KSR2: variants seen among roughly 807,000 people sequenced by gnomAD.
KSR2 encodes the protein kinase suppressor of ras 2.
KSR2 carries 25 observed loss-of-function variants against 107.8 expected under a neutral mutation model. The observed-to-expected ratio is 0.23, with a 90% CI of 0.17 to 0.32. KSR2 has a LOEUF of 0.32. Ranked by LOEUF, KSR2 falls within the 10% of genes least tolerant of loss-of-function variation. KSR2 has a pLI of 1.00. For missense variants in KSR2, 887 were observed against 1,268.9 expected (o/e 0.70, Z 4.57); for synonymous variants, 480 against 507.0 (o/e 0.95, Z 0.71).
At chr12:117,923,239 T>C (rs1171210234) in intron 1 of KSR2, among the ~76,000 whole-genome samples, 2 of 152,160 alleles carry the variant, frequency 1.3e-5, no homozygotes, top group African/African-American at 2.4e-5. Context: ...TCTATCTATA[T>C]CTATCTATAA....
intron 1 of KSR2, among the ~76,000 whole-genome samples, chr12:117,937,081 A>AG (rs1895869628): frequency 6.6e-6 from 1 of 152,216 alleles, no homozygotes; most frequent in African/African-American, 2.4e-5. Context: ...GCAGACAACT[A>AG]GGGGCAACCG....
chr12:117,909,610 G>T (rs1894955609), intron 1 of KSR2, among the ~76,000 whole-genome samples: 1 of 152,046 alleles, frequency 6.6e-6, no homozygotes, highest in African/African-American at 2.4e-5. Context: ...ATTACATCAA[G>T]ATTATACCAA....
At chr12:117,572,052 G>A (rs1878926239) in intron 7 of KSR2, among the ~76,000 whole-genome samples, 1 of 152,178 alleles carries the variant, frequency 6.6e-6, no homozygotes, top group East Asian at 1.9e-4. Flanking sequence ...CCCTGAAGCT[G>A]CAAAGCAGAA....
Position 117,471,280 on chromosome 12 carries a change from T to C in KSR2, c.2623A>G (p.Lys875Glu). 6.2e-7 allele frequency: 1 copy of C among 1,613,916 alleles called. No homozygotes were observed. Among genetic ancestry groups the C allele is most frequent in the South Asian group, 1.1e-5 (1 of 91,052 alleles). ...ATTATTGCCTCTGCTGGTTGGGTCTTGAAAGGCCATTCCCTGGCGTGGAGT... is the reference window on the plus strand; with the variant it reads ...ATTATTGCCTCTGCTGGTTGGGTCTCGAAAGGCCATTCCCTGGCGTGGAGT... ...YELHAREWPF[K>E]TQPAEAIIWQ... The change falls in exon 18 of 20, where the codon AAG becomes GAG. Residue 875 changes from lysine to glutamate, a missense_variant. This residue lies in a region of KSR2 where 308 missense variants were observed against 506.2 expected (regional missense o/e 0.61). Coordinates refer to ENST00000339824, the MANE Select transcript of KSR2 (RefSeq NM_173598.6).
At chr12:117,868,255 C>T (rs183333970) in intron 1 of KSR2, among the ~76,000 whole-genome samples, 145 of 152,098 alleles carry the variant, frequency 9.5e-4, no homozygotes, top group African/African-American at 3.2e-3. Context: ...TAGTGAAACC[C>T]TGTCTCTACT....
At chr12:117,820,288 G>A (rs1357082272) in intron 3 of KSR2, among the ~76,000 whole-genome samples, 1 of 152,054 alleles carries the variant, frequency 6.6e-6, no homozygotes, top group Non-Finnish European at 1.5e-5. Flanking sequence ...AAAGGTTTGG[G>A]GGCACTGAGG....
intron 13 of KSR2, 100 bp downstream of exon 13, chr12:117,526,971 C>T (rs763164152): frequency 2.1e-6 from 2 of 941,810 alleles, no homozygotes; most frequent in Non-Finnish European, 3.4e-6. Flanking sequence ...ACAGCCCCCA[C>T]CTGACCCCAA....
At chr12:117,584,434 C>T (rs780177272) in intron 5 of KSR2, among the ~76,000 whole-genome samples, 74 of 152,052 alleles carry the variant, frequency 4.9e-4, no homozygotes, top group Non-Finnish European at 4.4e-4. Context: ...GAAGGGTTAG[C>T]GTCCTCACAA....
intron 4 of KSR2, among the ~76,000 whole-genome samples, chr12:117,703,345 G>A (rs55921288): frequency 3.3e-5 from 5 of 151,964 alleles, no homozygotes; most frequent in Non-Finnish European, 7.4e-5. Context: ...GAGGTGCCTA[G>A]GATACTAAAT....
intron 1 of KSR2, among the ~76,000 whole-genome samples, chr12:117,941,219 A>C (rs1895994676): frequency 6.6e-6 from 1 of 152,088 alleles, no homozygotes; most frequent in Non-Finnish European, 1.5e-5. Flanking sequence ...CCAGGTCACC[A>C]TGACCTCCCC....
At chr12:117,582,229 G>A in intron 6 of KSR2, 61 bp downstream of exon 6, 2 of 1,435,932 alleles carry the variant, frequency 1.4e-6, no homozygotes, top group Non-Finnish European at 9.8e-7. Context: ...GCAGGGGCCA[G>A]AGCCCCCACC....
At chr12:117,630,219 G>T (rs12424746) in intron 5 of KSR2, among the ~76,000 whole-genome samples, 16,066 of 152,228 alleles carry the variant, frequency 0.11, 939 homozygotes, top group Admixed American at 0.16. Context: ...CTACCAAACT[G>T]CAGGCCAACA....
Position 117,459,779 on chromosome 12 carries a change from C to T in KSR2, c.*7420G>A, listed in dbSNP as rs1231004946. The T allele has an allele frequency of 6.6e-6, 1 of 152,232 alleles. No individual in the cohort carries two copies. The highest frequency in any genetic ancestry group is 1.5e-5 in the Non-Finnish European group (1 of 68,050). The allele number at this position is 152,232 out of a possible 1,614,324, so 9.4% of individuals were successfully genotyped here. The stretch of plus-strand genomic sequence containing the variant: ...TTCTTGTTCATGGAACCACTGTCCA[C>T]ATGGATGGAATCGGGCTCTAAGCTA... On this transcript the variant is annotated 3_prime_UTR_variant, in exon 20 of 20. Coordinates refer to ENST00000339824, the MANE Select transcript of KSR2 (RefSeq NM_173598.6).
chr12:117,540,631 C>A (rs1876416296), intron 9 of KSR2, among the ~76,000 whole-genome samples: 1 of 152,104 alleles, frequency 6.6e-6, no homozygotes. Flanking sequence ...CCAAATCATC[C>A]TGGATTCGGG....
At chr12:117,558,025 C>G (rs1877826852) in intron 8 of KSR2, among the ~76,000 whole-genome samples, 1 of 152,154 alleles carries the variant, frequency 6.6e-6, no homozygotes, top group South Asian at 2.1e-4. Flanking sequence ...CAGGTTGACC[C>G]AGACACTCCT....
At chr12:117,841,109 G>A (rs1324867146) in intron 3 of KSR2, among the ~76,000 whole-genome samples, 1 of 152,104 alleles carries the variant, frequency 6.6e-6, no homozygotes, top group East Asian at 1.9e-4. Context: ...TCTCACACGA[G>A]TGTATAAGTT....
intron 1 of KSR2, among the ~76,000 whole-genome samples, chr12:117,893,981 C>T (rs1156550150): frequency 4.0e-5 from 6 of 149,256 alleles, no homozygotes; most frequent in African/African-American, 1.5e-4. Flanking sequence ...GCGATCTCGG[C>T]TCACTGCAAG....
chr12:117,814,061 T>G lies in KSR2; in HGVS notation c.472+41367A>C, dbSNP rs569253808. On this transcript the variant is annotated intron_variant, in intron 3 of 19. Transcript: ENST00000339824. The stretch of plus-strand genomic sequence containing the variant: ...TTCTCACTTATAGGTGGAAGCAAAA[T>G]AGTTGATCTCATAGAACTAAAAAGT... 9.9e-5 allele frequency among the ~76,000 whole-genome samples: 15 copies of G among 152,226 alleles called. No individual in the cohort carries two copies. The South Asian group carries it at 3.1e-3, about 32-fold the overall frequency.
chr12:117,516,644 C>A (rs1045161726), intron 14 of KSR2, among the ~76,000 whole-genome samples: 3 of 152,098 alleles, frequency 2.0e-5, no homozygotes, highest in Admixed American at 6.6e-5. Flanking sequence ...ATTCTTATCA[C>A]CATCTTGCAA....
Sources: allele counts gnomAD v4.1 joint callset (sites outside exome capture counted in the v4.1 genomes callset), GRCh38; gene constraint gnomAD v4.1.1; regional missense constraint gnomAD v4.1.1; transcripts MANE v1.5; gene names NCBI Gene and HGNC (gene_info 2026-07-23, HGNC 2026-07-21).